ROS1: variants seen among roughly 807,000 people sequenced by gnomAD.
ROS1 encodes the protein ROS proto-oncogene 1, receptor tyrosine kinase.
ROS1 carries 263 observed loss-of-function variants against 273.5 expected under a neutral mutation model. The ratio of observed to expected loss-of-function variants is 0.96; its 90% CI spans 0.87 to 1.06. The LOEUF is 1.06. Ranked by LOEUF, ROS1 falls within the 50% of genes least tolerant of loss-of-function variation. The pLI is 0.00. For missense variants in ROS1, 2,833 were observed against 2,751.1 expected (o/e 1.03, Z -0.67); for synonymous variants, 1,008 against 954.1 (o/e 1.06, Z -1.04).
intron 24 of ROS1, among the ~76,000 whole-genome samples, chr6:117,358,753 T>C (rs9489138): frequency 0.94 from 143,239 of 152,200 alleles, 67,467 homozygotes; most frequent in African/African-American, 0.99. Flanking sequence ...AATCACTGTG[T>C]GCAGCTTGAA....
At chr6:117,332,276 A>C (rs193096496) in intron 32 of ROS1, among the ~76,000 whole-genome samples, 2 of 152,324 alleles carry the variant, frequency 1.3e-5, no homozygotes, top group Admixed American at 1.3e-4. Context: ...AAAGGGAACA[A>C]TTCAACAAGA....
At chr6:117,417,246 C>T (rs763091738) in intron 2 of ROS1, among the ~76,000 whole-genome samples, 6 of 152,250 alleles carry the variant, frequency 3.9e-5, no homozygotes, top group Admixed American at 2.0e-4. Flanking sequence ...CTCAAATTTG[C>T]TCTTTCTCCT....
At chr6:117,333,571 T>C (rs539192639) in intron 32 of ROS1, among the ~76,000 whole-genome samples, 1 of 152,294 alleles carries the variant, frequency 6.6e-6, no homozygotes, top group Admixed American at 6.5e-5. Context: ...CTGATGAACA[T>C]TGATGTAAAA....
At chr6:117,326,545 C>T (rs1326173810) in intron 33 of ROS1, 131 bp from the exon 34 acceptor site, 5 of 560,448 alleles carry the variant, frequency 8.9e-6, no homozygotes, top group African/African-American at 7.8e-5. Flanking sequence ...CCTCATTCCT[C>T]TCCCATAATC....
In ROS1 at chr6:117,295,645, A is replaced by G. The variant is rs11753914; in HGVS notation, c.6715+5329T>C. On this transcript the variant is annotated intron_variant, in intron 43 of 43. Coordinates refer to ENST00000368507, the MANE Select transcript of ROS1 (RefSeq NM_001378902.1). ...AGGGAGCTCAAATAACTCGATAGGAAAAAAGCTAATAGTCTGATCAAAAAA... is the reference window on the plus strand; with the variant it reads ...AGGGAGCTCAAATAACTCGATAGGAGAAAAGCTAATAGTCTGATCAAAAAA... Among the ~76,000 whole-genome samples the G allele has an allele frequency of 8.2e-3, 1,248 of 152,350 alleles. 12 individuals carry two copies. The highest frequency in any genetic ancestry group is 8.8e-3 in the Non-Finnish European group (599 of 68,030).
At position 117,362,741 on chromosome 6, in the gene ROS1, T is replaced by G; in HGVS notation, c.3228A>C (p.Lys1076Asn). Residue 1076 changes from lysine to asparagine, a missense_variant, in exon 22 of 44, where the codon AAA becomes AAC. Coordinates refer to ENST00000368507, the MANE Select transcript of ROS1 (RefSeq NM_001378902.1). The part of the protein sequence containing the change: ...KPKHENGVLT[K>N]FEIFYNISNQ... ...TGGATATATTGTAGAAAATTTCAAA[T>G]TTTGTTAACACCCCATTTTCATGCT... is the stretch of plus-strand genomic sequence containing the variant. The G allele has an allele frequency of 6.2e-7, 1 of 1,613,808 alleles. No homozygotes were observed. The highest frequency in any genetic ancestry group is 8.5e-7 in the Non-Finnish European group (1 of 1,179,790).
chr6:117,319,723 G>T, intron 37 of ROS1, 145 bp downstream of exon 37: 2 of 654,124 alleles, frequency 3.1e-6, no homozygotes, highest in African/African-American at 1.8e-5. Context: ...TTTTAAATGT[G>T]ATTTCTGTAG....
chr6:117,392,981 T>G (rs1020875062), intron 12 of ROS1, among the ~76,000 whole-genome samples: 5 of 152,200 alleles, frequency 3.3e-5, no homozygotes, highest in Non-Finnish European at 7.3e-5. Context: ...CTTTCCCATA[T>G]TCCCATATTT....
chr6:117,374,677 A>G (rs1290238127), intron 18 of ROS1, among the ~76,000 whole-genome samples: 1 of 152,268 alleles, frequency 6.6e-6, no homozygotes, highest in East Asian at 1.9e-4. Context: ...TCAGCAGAGT[A>G]AACAGACAAC....
intron 31 of ROS1, among the ~76,000 whole-genome samples, chr6:117,338,115 G>A (rs998708731): frequency 6.6e-6 from 1 of 151,940 alleles, no homozygotes; most frequent in Non-Finnish European, 1.5e-5. Flanking sequence ...CATACAAATA[G>A]GAAAAGACAA....
chr6:117,320,613 G>A (rs1776227920), intron 36 of ROS1, among the ~76,000 whole-genome samples: 1 of 152,132 alleles, frequency 6.6e-6, no homozygotes. Flanking sequence ...GATATGCTGA[G>A]TATTTGCTCA....
At position 117,288,726 on chromosome 6, in the gene ROS1, T is replaced by G; in HGVS notation, c.6792A>C (p.Glu2264Asp). Reference sequence around the variant, plus strand: ...TAGCAAGTACCATATAGTTTAACCCTTCTCGGTTCTTCGTTTCCATTAAAG... The same window carrying G: ...TAGCAAGTACCATATAGTTTAACCCGTCTCGGTTCTTCGTTTCCATTAAAG... ...PVALMETKNR[E>D]GLNYMVLATE... Residue 2264 changes from glutamate (E) to aspartate (D), a missense_variant, in exon 44 of 44, where the codon GAA (glutamate) becomes GAC (aspartate). By Grantham distance (45) the Glu-to-Asp change is conservative (BLOSUM62 2). Coordinates refer to ENST00000368507, the MANE Select transcript of ROS1 (RefSeq NM_001378902.1). 6.2e-7 allele frequency: 1 copy of G among 1,613,984 alleles called. No individual in the cohort carries two copies. Among genetic ancestry groups the G allele is most frequent in the Non-Finnish European group, 8.5e-7 (1 of 1,179,956 alleles).
At chr6:117,306,125 A>C (rs1775082506) in intron 42 of ROS1, among the ~76,000 whole-genome samples, 1 of 151,588 alleles carries the variant, frequency 6.6e-6, no homozygotes, top group South Asian at 2.1e-4. Context: ...TTCACAAAGC[A>C]ATTGAACTTC....
intron 41 of ROS1, 55 bp downstream of exon 41, chr6:117,310,026 C>A: frequency 7.0e-7 from 1 of 1,429,690 alleles, no homozygotes; most frequent in Non-Finnish European, 9.8e-7. Context: ...CTTTTAAAAT[C>A]CCCTCTAATG....
At chr6:117,355,315 A>G (rs1468629959) in intron 26 of ROS1, among the ~76,000 whole-genome samples, 2 of 152,190 alleles carry the variant, frequency 1.3e-5, no homozygotes, top group Admixed American at 6.5e-5. Flanking sequence ...CTACTTAATG[A>G]TAGGAATTGT....
At chr6:117,399,596 A>G (rs929069274) in intron 7 of ROS1, among the ~76,000 whole-genome samples, 2 of 152,186 alleles carry the variant, frequency 1.3e-5, no homozygotes, top group African/African-American at 4.8e-5. Flanking sequence ...GGGTTAGGGC[A>G]TCCAGCCTGG....
intron 43 of ROS1, chr6:117,299,731 T>TA (rs1237145295): frequency 2.0e-5 from 3 of 152,236 alleles, no homozygotes; most frequent in Admixed American, 2.0e-4. Context: ...TGCAAACTTT[T>TA]AATAACAAGA....
chr6:117,394,366 G>A lies in ROS1; in HGVS notation c.1007-20C>T, dbSNP rs1664428457. 2 of 1,560,900 alleles carry A rather than the reference G, an allele frequency of 1.3e-6. No individual in the cohort carries two copies. The highest frequency in any genetic ancestry group is 2.0e-5 in the Admixed American group (1 of 50,990). ...ATATTCCTAGAAGAGCCATGCAAGT[G>A]CACACACATTATTATATAACAACCA... On this transcript the variant is annotated intron_variant, in intron 10 of 43. Coordinates refer to ENST00000368507, the MANE Select transcript of ROS1 (RefSeq NM_001378902.1).
chr6:117,422,902 C>A (rs550515175), intron 1 of ROS1, among the ~76,000 whole-genome samples: 1 of 151,746 alleles, frequency 6.6e-6, no homozygotes, highest in African/African-American at 2.4e-5. Flanking sequence ...ACATAGATAC[C>A]TAGGAAAATT....
Sources: gnomAD v4.1 joint callset for allele counts (sites outside exome capture counted in the v4.1 genomes callset) on GRCh38, gnomAD v4.1.1 for gene constraint, MANE v1.5 for transcripts, NCBI Gene and HGNC (gene_info 2026-07-23, HGNC 2026-07-21) for gene names.